Variants in TENM1 observed in about 807,000 individuals in gnomAD.
The protein encoded by TENM1 is teneurin-1.
In TENM1, 35 loss-of-function variants were observed where a neutral mutation model predicts 174.8. The ratio of observed to expected loss-of-function variants is 0.20; its 90% CI spans 0.15 to 0.27. TENM1 has a LOEUF of 0.27. Among genes scored for constraint, TENM1 ranks in the 10% least tolerant of loss-of-function variants. The probability of loss-of-function intolerance (pLI) is 1.00; values close to 1 mark genes in which losing one functional copy is unlikely to be tolerated. For missense variants in TENM1, 1,633 were observed against 2,130.1 expected (o/e 0.77, Z 4.59); for synonymous variants, 781 against 798.7 (o/e 0.98, Z 0.37).
At chrX:125,123,541 C>T in the TENM1 span, among the ~76,000 whole-genome samples, 11 of 111,394 alleles carry the variant, frequency 9.9e-5, no homozygotes, top group African/African-American at 3.6e-4. Context: ...CCCATGAGGT[C>T]GAGGCTGCAG....
chrX:124,405,192 C>G, exon 27 of TENM1: 1 of 1,211,500 alleles, frequency 8.3e-7, no homozygotes, highest in African/African-American at 1.7e-5. Context: ...GAGCTGAGGC[C>G]GATCTCCATC....
At chrX:125,034,721 T>A in the TENM1 span, among the ~76,000 whole-genome samples, 1 of 112,001 alleles carries the variant, frequency 8.9e-6, no homozygotes, top group African/African-American at 3.2e-5. Flanking sequence ...TTAATAGAAA[T>A]TCTAATTCAC....
intron 3 of TENM1, among the ~76,000 whole-genome samples, chrX:124,824,914 T>G (rs1207752425): frequency 1.8e-5 from 2 of 111,056 alleles, no homozygotes; most frequent in Non-Finnish European, 3.8e-5. Context: ...CTTGAGGATT[T>G]CCAGAAATAA....
chrX:124,605,999 T>C (rs750988089), intron 11 of TENM1, among the ~76,000 whole-genome samples: 15 of 111,910 alleles, frequency 1.3e-4, no homozygotes, highest in African/African-American at 3.2e-4. Flanking sequence ...GCTTTCTAAA[T>C]GAAGCAACAT....
intron 23 of TENM1, among the ~76,000 whole-genome samples, chrX:124,445,689 C>T (rs903398174): frequency 4.5e-5 from 5 of 112,156 alleles, no homozygotes; most frequent in African/African-American, 1.6e-4. Context: ...AACAGGATTT[C>T]CTATGCATGC....
intron 23 of TENM1, among the ~76,000 whole-genome samples, chrX:124,451,637 G>C (rs1397844878): frequency 1.8e-5 from 2 of 112,082 alleles, no homozygotes; most frequent in Non-Finnish European, 3.8e-5. Flanking sequence ...CAAGGCTTCA[G>C]TAACCAAAAC....
chrX:125,075,498 A>G, the TENM1 span, among the ~76,000 whole-genome samples: 1 of 111,369 alleles, frequency 9.0e-6, no homozygotes, highest in African/African-American at 3.3e-5. Context: ...ACTCTTGTAT[A>G]TATACTTAGG....
chrX:124,631,916 C>T (rs1385434210), intron 11 of TENM1, among the ~76,000 whole-genome samples: 1 of 90,317 alleles, frequency 1.1e-5, no homozygotes, highest in African/African-American at 4.4e-5. Context: ...AAAATCCATA[C>T]AGTTTTTTTT....
the TENM1 span, among the ~76,000 whole-genome samples, chrX:125,114,951 A>T: frequency 2.1e-4 from 24 of 111,909 alleles, no homozygotes; most frequent in Non-Finnish European, 3.0e-4. Context: ...AGAAAATTTC[A>T]GGCCAATATC....
chrX:124,763,940 CTG>C (rs1317398450), intron 3 of TENM1, among the ~76,000 whole-genome samples: 1 of 112,287 alleles, frequency 8.9e-6, no homozygotes, highest in Non-Finnish European at 1.9e-5. Flanking sequence ...AAGGGAAAAA[CTG>C]TTGCTGGTAC....
At chrX:124,615,067 T>C (rs1434732357) in intron 11 of TENM1, among the ~76,000 whole-genome samples, 1 of 112,091 alleles carries the variant, frequency 8.9e-6, no homozygotes, top group East Asian at 2.8e-4. Flanking sequence ...TTAATTCCTG[T>C]TTTTCCCACA....
intron 3 of TENM1, among the ~76,000 whole-genome samples, chrX:124,834,796 A>C (rs1485827874): frequency 2.7e-5 from 3 of 112,072 alleles, no homozygotes; most frequent in Non-Finnish European, 5.6e-5. Context: ...ATCTTCCACA[A>C]TTTTAGTAAA....
intron 11 of TENM1, among the ~76,000 whole-genome samples, chrX:124,577,767 A>G (rs2049203370): frequency 1.8e-5 from 2 of 111,830 alleles, no homozygotes; most frequent in South Asian, 7.5e-4. Context: ...ATCTAGGTAC[A>G]TTTACACGAA....
chrX:124,394,667 A>G (rs1158146581), intron 27 of TENM1, among the ~76,000 whole-genome samples: 5 of 112,623 alleles, frequency 4.4e-5, no homozygotes, highest in Non-Finnish European at 9.4e-5. Flanking sequence ...CAACCATCCA[A>G]TGAAAATCAC....
chrX:124,723,699 C>T (rs1351161029), intron 4 of TENM1, among the ~76,000 whole-genome samples: 6 of 105,293 alleles, frequency 5.7e-5, no homozygotes, highest in Non-Finnish European at 1.2e-4. Context: ...CTCCCGGGTT[C>T]CAGCGATTCT....
chrX:124,850,241 C>A (rs1364295443), intron 3 of TENM1, among the ~76,000 whole-genome samples: 1 of 111,653 alleles, frequency 9.0e-6, no homozygotes, highest in East Asian at 2.8e-4. Flanking sequence ...TTACATTTTC[C>A]AGCCCTCATT....
chrX:124,803,174 C>T (rs2055500589), intron 3 of TENM1, among the ~76,000 whole-genome samples: 1 of 111,580 alleles, frequency 9.0e-6, no homozygotes, highest in Non-Finnish European at 1.9e-5. Context: ...ATAAATCCAC[C>T]AAGGGATAAT....
chrX:124,483,246 CT>C (rs1216488964), intron 21 of TENM1, among the ~76,000 whole-genome samples: 1 of 111,847 alleles, frequency 8.9e-6, no homozygotes, highest in Non-Finnish European at 1.9e-5. Context: ...CTTTCCCAGT[CT>C]TCCCTTCTCC....
the TENM1 span, among the ~76,000 whole-genome samples, chrX:125,183,570 G>A: frequency 1.8e-5 from 2 of 111,846 alleles, no homozygotes; most frequent in African/African-American, 6.5e-5. Context: ...CATCATGCAA[G>A]AAGGTGAAAA....
Sources: gnomAD v4.1 joint callset for allele counts (sites outside exome capture counted in the v4.1 genomes callset) on GRCh38, gnomAD v4.1.1 for gene constraint, MANE v1.5 for transcripts, NCBI Gene and HGNC (gene_info 2026-07-23, HGNC 2026-07-21) for gene names.